The following CNTN3 variants were observed in gnomAD, a reference collection of about 807,000 sequenced individuals.
The protein encoded by CNTN3 is contactin-3.
A neutral mutation model predicts 119.1 loss-of-function variants in CNTN3; 60 were observed. The ratio of observed to expected loss-of-function variants is 0.50; its 90% confidence interval spans 0.41 to 0.62. The LOEUF is 0.62. Ranked by LOEUF, CNTN3 falls within the 20% of genes least tolerant of loss-of-function variation. The pLI is 0.00. For missense variants in CNTN3, 1,101 were observed against 1,242.4 expected, an observed-to-expected ratio of 0.89 and a Z score of 1.71; for synonymous variants, 450 against 438.7, an observed-to-expected ratio of 1.03 and a Z score of -0.32.
chr3:74,467,700 T>A (rs1702489742), intron 4 of CNTN3, among the ~76,000 whole-genome samples: 1 of 152,122 alleles, frequency 6.6e-6, no homozygotes. Flanking sequence ...ACTTTATATA[T>A]ACCACCCAAG....
intron 13 of CNTN3, among the ~76,000 whole-genome samples, chr3:74,319,903 A>G (rs1702941717): frequency 6.6e-6 from 1 of 152,206 alleles, no homozygotes; most frequent in Non-Finnish European, 1.5e-5. Context: ...TGCAGCCAAA[A>G]AACACATGAA....
At chr3:74,583,142 G>C (rs1469257188) in intron 1 of CNTN3, among the ~76,000 whole-genome samples, 9 of 152,112 alleles carry the variant, frequency 5.9e-5, no homozygotes, top group Non-Finnish European at 4.4e-5. Context: ...TTGGTACCTG[G>C]ACTAGAGTGA....
At chr3:74,613,452 C>T (rs898880081) in intron 1 of CNTN3, among the ~76,000 whole-genome samples, 1 of 152,116 alleles carries the variant, frequency 6.6e-6, no homozygotes, top group Non-Finnish European at 1.5e-5. Context: ...CTGGCTACCC[C>T]TTTCCCAGAG....
At chr3:74,267,553 T>A in intron 20 of CNTN3, 175 bp from the exon 21 acceptor site, 1 of 505,258 alleles carries the variant, frequency 2.0e-6, no homozygotes, top group African/African-American at 1.9e-5. Flanking sequence ...ATTTCCTTTT[T>A]TTAGAAAGGC....
intron 4 of CNTN3, among the ~76,000 whole-genome samples, chr3:74,472,444 T>C (rs2107005278): frequency 6.6e-6 from 1 of 152,266 alleles, no homozygotes; most frequent in East Asian, 1.9e-4. Context: ...CCCCCAATAA[T>C]GTAGAGCCTG....
intron 13 of CNTN3, among the ~76,000 whole-genome samples, chr3:74,316,281 A>G (rs1223966753): frequency 6.6e-6 from 1 of 152,208 alleles, no homozygotes; most frequent in Non-Finnish European, 1.5e-5. Flanking sequence ...CAAAACCACA[A>G]TGAGATACCA....
chr3:74,387,295 T>C lies in CNTN3; in HGVS notation c.455-15896A>G, dbSNP rs891760298. ...ACCTTCATCAAAACAACTGACTAAA[T>C]TGTATATATTTATAGACAGAGCAAA... is the stretch of plus-strand genomic sequence containing the variant. On this transcript the variant is annotated intron_variant, in intron 5 of 22. Transcript: ENST00000263665. Among the ~76,000 whole-genome samples the C allele has an allele frequency of 2.6e-5, 4 of 152,252 alleles. No individual in the cohort carries two copies. The South Asian group carries it at 6.2e-4, about 24-fold the overall frequency.
intron 2 of CNTN3, among the ~76,000 whole-genome samples, chr3:74,500,508 C>CAA (rs57458348): frequency 1.4e-3 from 195 of 140,768 alleles, no homozygotes; most frequent in East Asian, 4.0e-3. Flanking sequence ...CAAATTCGCC[C>CAA]AAAAAAAAAA....
At chr3:74,359,228 C>G (rs75787707) in intron 11 of CNTN3, among the ~76,000 whole-genome samples, 4,605 of 152,054 alleles carry the variant, frequency 0.03, 231 homozygotes, top group African/African-American at 0.1. Flanking sequence ...AACGGCCAAC[C>G]AACAAACAAA....
At chr3:74,476,140 A>G (rs947657951) in intron 4 of CNTN3, among the ~76,000 whole-genome samples, 2 of 152,320 alleles carry the variant, frequency 1.3e-5, no homozygotes, top group East Asian at 3.9e-4. Context: ...TTCAATGTTA[A>G]TGAAGCAACA....
intron 3 of CNTN3, among the ~76,000 whole-genome samples, chr3:74,487,112 C>T (rs1204656980): frequency 2.6e-5 from 4 of 152,200 alleles, no homozygotes; most frequent in East Asian, 1.9e-4. Context: ...TACCTGTCCC[C>T]GAGGCATTCT....
chr3:74,347,924 A>C (rs189279312), intron 11 of CNTN3, among the ~76,000 whole-genome samples: 2 of 152,368 alleles, frequency 1.3e-5, no homozygotes, highest in Admixed American at 1.3e-4. Context: ...AACCTAGAGG[A>C]CATTATGTGA....
At chr3:74,303,996 A>G (rs1169597236) in intron 13 of CNTN3, among the ~76,000 whole-genome samples, 1 of 152,212 alleles carries the variant, frequency 6.6e-6, no homozygotes, top group Non-Finnish European at 1.5e-5. Flanking sequence ...TATCTTAATT[A>G]AAAGAAAAGT....
In CNTN3 at chr3:74,413,612, T is replaced by C. The variant is rs77692074; in HGVS notation, c.454+11233A>G. Among the ~76,000 whole-genome samples, 159 of 152,252 alleles carry C rather than the reference T, an allele frequency of 1.0e-3. 3 individuals carry two copies. In the East Asian group the frequency reaches 0.026, roughly 25 times the overall value. ...GATTTAGCTGTTACCAGGAAAATAA[T>C]TGCCCAAGCCTCAAATCCTAGCCCT... On this transcript the variant is annotated intron_variant, in intron 5 of 22. Transcript: ENST00000263665.
chr3:74,499,514 A>C lies in CNTN3; in HGVS notation c.182+145T>G, dbSNP rs933814670. On this transcript the variant is annotated intron_variant, in intron 3 of 22. Coordinates refer to ENST00000263665, the MANE Select transcript of CNTN3 (RefSeq NM_020872.3). ...ATAGATTTAAATCTTCATATATTAA[A>C]TCTGTTGAATATATCATACAACTAT... 7 of 652,104 alleles carry C rather than the reference A, an allele frequency of 1.1e-5. No homozygotes were observed. In the African/African-American group the frequency reaches 1.3e-4, roughly 12 times the overall value. 40.4% of individuals were successfully genotyped at this position (652,104 alleles called of 1,614,324 possible).
At chr3:74,360,616 T>G (rs1221896124) in intron 11 of CNTN3, among the ~76,000 whole-genome samples, 1 of 152,176 alleles carries the variant, frequency 6.6e-6, no homozygotes, top group African/African-American at 2.4e-5. Context: ...AGTATAGGTC[T>G]CACTGTGCTA....
intron 3 of CNTN3, among the ~76,000 whole-genome samples, chr3:74,497,673 C>T (rs543597051): frequency 1.3e-5 from 2 of 151,812 alleles, no homozygotes; most frequent in Non-Finnish European, 2.9e-5. Flanking sequence ...CAATACCAAA[C>T]ATGTTAAATT....
At chr3:74,455,632 T>A (rs1461587951) in intron 4 of CNTN3, among the ~76,000 whole-genome samples, 1 of 152,104 alleles carries the variant, frequency 6.6e-6, no homozygotes, top group Non-Finnish European at 1.5e-5. Flanking sequence ...TTTGTGGTTT[T>A]ATCTACTTTT....
chr3:74,564,169 G>T (rs1268207687), intron 1 of CNTN3, among the ~76,000 whole-genome samples: 1 of 152,112 alleles, frequency 6.6e-6, no homozygotes. Flanking sequence ...TCCCATCCCA[G>T]CAAGGTGATA....
Sources: allele counts gnomAD v4.1 joint callset (sites outside exome capture counted in the v4.1 genomes callset), GRCh38; gene constraint gnomAD v4.1.1; transcripts MANE v1.5; gene names NCBI Gene and HGNC (gene_info 2026-07-23, HGNC 2026-07-21).